Variants in ZNF407 observed in about 807,000 individuals in gnomAD.
The protein encoded by ZNF407 is zinc finger protein 407.
A neutral mutation model predicts 131.2 loss-of-function variants in ZNF407; 17 were observed. That is an observed-to-expected ratio of 0.13 (90% confidence interval 0.09 to 0.19). The LOEUF (loss-of-function observed/expected upper bound fraction) is 0.19. Among genes scored for constraint, ZNF407 ranks in the 10% least tolerant of loss-of-function variants. The pLI is 1.00. For synonymous variants in ZNF407, 1,156 were observed against 1,062.0 expected, an observed-to-expected ratio of 1.09 and a Z score of -1.72; for missense variants, 2,681 against 2,830.6, an observed-to-expected ratio of 0.95 and a Z score of 1.20.
rs560793671 is a variant in ZNF407, at chr18:74,678,548, G to A, written c.4802+37426G>A. ...CCCTTAGGAAAAAGGCAGTTCAAAC[G>A]TCAGTTTATCTTCATGATTTTCTTT... On this transcript the variant is annotated intron_variant, in intron 3 of 8. Coordinates refer to ENST00000299687, the MANE Select transcript of ZNF407 (RefSeq NM_017757.3). Among the ~76,000 whole-genome samples the A allele has an allele frequency of 1.4e-3, 206 of 152,260 alleles. 1 individual carries two copies. Among genetic ancestry groups the A allele is most frequent in the African/African-American group, 4.8e-3 (200 of 41,528 alleles).
chr18:74,660,388 A>T (rs1422611373), intron 3 of ZNF407, among the ~76,000 whole-genome samples: 1 of 152,092 alleles, frequency 6.6e-6, no homozygotes, highest in Non-Finnish European at 1.5e-5. Flanking sequence ...ATTATTCTTC[A>T]TCCATCTAGA....
At position 74,802,799 on chromosome 18, in the gene ZNF407, A is replaced by T. The variant is rs146461334; in HGVS notation, c.4877+21297A>T. Among the ~76,000 whole-genome samples, 806 of 152,342 alleles carry T rather than the reference A, an allele frequency of 5.3e-3. 10 individuals are homozygous for T. The highest frequency in any genetic ancestry group is 0.019 in the African/African-American group (775 of 41,584). On this transcript the variant is annotated intron_variant, in intron 4 of 8. Coordinates refer to ENST00000299687, the MANE Select transcript of ZNF407 (RefSeq NM_017757.3). ...TGTTTTATAGAGCTTTTGATGTTCC[A>T]GGGAAACTGTAATAATTAAGTTTGC...
At chr18:74,674,508 C>CT (rs1193907033) in intron 3 of ZNF407, among the ~76,000 whole-genome samples, 1 of 152,144 alleles carries the variant, frequency 6.6e-6, no homozygotes, top group East Asian at 1.9e-4. Flanking sequence ...CCTTAAAATA[C>CT]TTTTTTCATG....
rs1984273929 is a variant in ZNF407, at chr18:74,633,800, C to G, written c.2781C>G (p.Ser927Arg). 6.2e-7 allele frequency: 1 copy of G among 1,613,740 alleles called. No homozygotes were observed. The highest frequency in any genetic ancestry group is 8.5e-7 in the Non-Finnish European group (1 of 1,179,866). ...SDIIVGPEGG[S>R]LEAGKKNAGS... ...TCATTGTTGGCCCTGAAGGGGGTAG[C>G]CTTGAAGCTGGTAAAAAGAATGCTG... Residue 927 changes from serine to arginine, a missense_variant, in exon 2 of 9, where the codon AGC becomes AGG. Physicochemically the swap from Ser to Arg is moderately radical, Grantham distance 110. Around this residue, in one of 6 missense-constraint regions of ZNF407, gnomAD observed 1,789 missense variants for 1,748.7 expected, o/e 1.02. Transcript: ENST00000299687.
chr18:74,705,931 G>A (rs1438721518), intron 3 of ZNF407, among the ~76,000 whole-genome samples: 2 of 152,214 alleles, frequency 1.3e-5, no homozygotes, highest in Non-Finnish European at 2.9e-5. Context: ...TTGTCTATGA[G>A]CCAGTGTCCT....
chr18:74,676,482 G>A (rs1266697283), intron 3 of ZNF407, among the ~76,000 whole-genome samples: 4 of 149,988 alleles, frequency 2.7e-5, no homozygotes, highest in Non-Finnish European at 5.9e-5. Context: ...TGTCACCCAG[G>A]CTGGAGTGCA....
intron 8 of ZNF407, among the ~76,000 whole-genome samples, chr18:75,006,427 G>A (rs1320582733): frequency 1.3e-5 from 2 of 152,078 alleles, no homozygotes; most frequent in East Asian, 3.9e-4. Context: ...TTCCCTCCAA[G>A]TAATGTCTTA....
rs751694229 is a variant in ZNF407, at chr18:75,063,964, G to A, written c.6243G>A (p.Gln2081=). 6 of 1,613,560 alleles carry A rather than the reference G, an allele frequency of 3.7e-6. No individual in the cohort carries two copies. Among genetic ancestry groups the A allele is most frequent in the South Asian group, 1.1e-5 (1 of 91,014 alleles). The change falls in exon 9 of 9, where the codon CAG becomes CAA. Residue 2081 remains glutamine (Q), a synonymous_variant. Coordinates refer to ENST00000299687, the MANE Select transcript of ZNF407 (RefSeq NM_017757.3). This position sits in a 1 kb window ranked among gnomAD's most constrained non-coding sequence, Gnocchi z 6.6. ...AGGTGGCCTTCAAGAAGATGGTCCA[G>A]GGCGTCCTCCAGTTTGCTGTGTGTG... ...RAQVAFKKMV[Q]GVLQFAVCDT...
chr18:74,647,517 G>T (rs1038730429), intron 3 of ZNF407, among the ~76,000 whole-genome samples: 4 of 152,046 alleles, frequency 2.6e-5, no homozygotes, highest in Admixed American at 6.5e-5. Context: ...TATTAGGTGG[G>T]TAGCCATTCT....
Position 74,796,313 on chromosome 18 carries a change from A to G in ZNF407, c.4877+14811A>G, listed in dbSNP as rs563250440. Among the ~76,000 whole-genome samples, 41 of 152,354 alleles carry G rather than the reference A, an allele frequency of 2.7e-4. No homozygotes were observed. In the South Asian group the frequency reaches 8.5e-3, roughly 32 times the overall value. The stretch of plus-strand genomic sequence containing the variant: ...ATATTAATGGCTTTAAACAAAATAA[A>G]TAGCTCTTTGTGCATGACTGATAGA... On this transcript the variant is annotated intron_variant, in intron 4 of 8. Transcript: ENST00000299687.
chr18:74,700,445 A>T (rs950646510), intron 3 of ZNF407, among the ~76,000 whole-genome samples: 6 of 152,172 alleles, frequency 3.9e-5, no homozygotes, highest in Non-Finnish European at 8.8e-5. Context: ...CAGAGGTGTG[A>T]TGTCACTGCA....
At chr18:74,728,901 A>G (rs912935757) in intron 3 of ZNF407, among the ~76,000 whole-genome samples, 4 of 152,208 alleles carry the variant, frequency 2.6e-5, no homozygotes, top group African/African-American at 9.6e-5. Flanking sequence ...ACTAGCCAGC[A>G]GTATTGAGTG....
intron 3 of ZNF407, among the ~76,000 whole-genome samples, chr18:74,727,758 T>A (rs944170560): frequency 3.3e-5 from 5 of 152,244 alleles, no homozygotes; most frequent in African/African-American, 7.2e-5. Flanking sequence ...GGATTCATCC[T>A]GCAGGTGATG....
chr18:74,788,442 TCA>T (rs1185339686), intron 4 of ZNF407, among the ~76,000 whole-genome samples: 2 of 152,224 alleles, frequency 1.3e-5, no homozygotes, highest in East Asian at 3.9e-4. Flanking sequence ...TTTTTACTTC[TCA>T]GACTTATTTA....
intron 3 of ZNF407, among the ~76,000 whole-genome samples, chr18:74,658,173 C>T (rs1985558878): frequency 1.3e-5 from 2 of 152,130 alleles, no homozygotes; most frequent in Admixed American, 1.3e-4. Flanking sequence ...AGTGCAGTGG[C>T]ATGATCTCAG....
intron 8 of ZNF407, among the ~76,000 whole-genome samples, chr18:75,030,165 T>TCTGCCTGAATCA (rs1308110586): frequency 1.3e-5 from 2 of 152,200 alleles, no homozygotes; most frequent in African/African-American, 2.4e-5. Flanking sequence ...CATACCAAGT[T>TCTGCCTGAATCA]TATTCATCTG....
At chr18:74,601,990 C>T (rs1387687508) in intron 1 of ZNF407, among the ~76,000 whole-genome samples, 1 of 152,214 alleles carries the variant, frequency 6.6e-6, no homozygotes, top group Non-Finnish European at 1.5e-5. Flanking sequence ...ATGTATCTTG[C>T]TTGCATCACT....
chr18:75,031,569 A>G (rs1973240885), intron 8 of ZNF407, among the ~76,000 whole-genome samples: 1 of 152,224 alleles, frequency 6.6e-6, no homozygotes, highest in African/African-American at 2.4e-5. Context: ...TGTGTACTAA[A>G]TGCCATTATT....
At position 74,725,237 on chromosome 18, in the gene ZNF407, G is replaced by C. The variant is rs75837161; in HGVS notation, c.4803-56191G>C. Reference sequence around the variant, plus strand: ...TGCTACCTTGACCTCCTAGGCTCCAGTGAGCCTCTCAGCTCAGACTCCCTG... The same window carrying C: ...TGCTACCTTGACCTCCTAGGCTCCACTGAGCCTCTCAGCTCAGACTCCCTG... On this transcript the variant is annotated intron_variant, in intron 3 of 8. Transcript: ENST00000299687. 6.2e-3 allele frequency among the ~76,000 whole-genome samples: 947 copies of C among 152,238 alleles called. 7 individuals are homozygous for C. The highest frequency in any genetic ancestry group is 0.021 in the African/African-American group (885 of 41,538).
Sources: gnomAD v4.1 joint callset for allele counts (sites outside exome capture counted in the v4.1 genomes callset) on GRCh38, gnomAD v4.1.1 for gene constraint, gnomAD v4.1.1 regional missense constraint, Gnocchi (gnomAD v3.1) non-coding constraint, MANE v1.5 for transcripts, NCBI Gene and HGNC (gene_info 2026-07-23, HGNC 2026-07-21) for gene names.